The following OR51B5 variants were observed in gnomAD, a reference collection of about 807,000 sequenced individuals.
OR51B5 encodes the protein olfactory receptor family 51 subfamily B member 5.
For missense variants in OR51B5, 456 were observed against 374.6 expected, an observed-to-expected ratio of 1.22 and a Z score of -1.79; for synonymous variants, 186 against 144.8, an observed-to-expected ratio of 1.28 and a Z score of -2.04.
rs576856274 is a variant in OR51B5 at position 5,395,668 on chromosome 11, A to G, written n.85-48758T>C. On this transcript the variant is annotated intron_variant and non_coding_transcript_variant, in intron 1 of 4. Transcript: ENST00000415970. The stretch of plus-strand genomic sequence containing the variant: ...TTTCCTCCACAGCCCCATTAAACCT[A>G]ATCATTTCTCTCGAAAAGAGGCAGG... Among the ~76,000 whole-genome samples, 69 of 152,254 alleles carry G rather than the reference A, an allele frequency of 4.5e-4. 3 individuals carry two copies. In the South Asian group the frequency reaches 0.014, roughly 30 times the overall value.
chr11:5,444,025 T>C (rs1390978971), intron 1 of OR51B5, among the ~76,000 whole-genome samples: 4 of 152,106 alleles, frequency 2.6e-5, no homozygotes, highest in Non-Finnish European at 4.4e-5. Flanking sequence ...TGCAACAACT[T>C]AGGAAGACTC....
intron 1 of OR51B5, among the ~76,000 whole-genome samples, chr11:5,382,832 G>C (rs868278130): frequency 6.6e-6 from 1 of 152,086 alleles, no homozygotes; most frequent in Non-Finnish European, 1.5e-5. Flanking sequence ...TGATCACAAT[G>C]GCATGTCATA....
At chr11:5,457,214 A>T (rs1590007612) in intron 1 of OR51B5, among the ~76,000 whole-genome samples, 1 of 152,050 alleles carries the variant, frequency 6.6e-6, no homozygotes, top group East Asian at 1.9e-4. Context: ...ACTCCCCCTT[A>T]TATGTGAAAA....
chr11:5,389,893 T>C (rs371688011), intron 1 of OR51B5: 43 of 1,612,510 alleles, frequency 2.7e-5, no homozygotes, highest in Admixed American at 6.7e-5. Context: ...TCCGGGGACC[T>C]GTGGCCACTA....
At chr11:5,349,263 C>T (rs529714397) in intron 1 of OR51B5, among the ~76,000 whole-genome samples, 6 of 152,194 alleles carry the variant, frequency 3.9e-5, no homozygotes, top group African/African-American at 1.4e-4. Flanking sequence ...AGACAAACAG[C>T]TATTTTAAGG....
intron 1 of OR51B5, among the ~76,000 whole-genome samples, chr11:5,354,143 TG>T (rs1395460873): frequency 2.0e-5 from 3 of 150,992 alleles, no homozygotes; most frequent in Admixed American, 6.6e-5. Context: ...CATGTCTTTC[TG>T]TGTGTCTGCT....
chr11:5,483,287 C>T (rs1346842602), intron 1 of OR51B5, among the ~76,000 whole-genome samples: 2 of 134,826 alleles, frequency 1.5e-5, no homozygotes, highest in Non-Finnish European at 3.1e-5. Context: ...TATTCTCACT[C>T]ATAGGTGGGA....
At chr11:5,400,464 C>A (rs1432589788) in intron 1 of OR51B5, among the ~76,000 whole-genome samples, 1 of 150,638 alleles carries the variant, frequency 6.6e-6, no homozygotes, top group Non-Finnish European at 1.5e-5. Context: ...TTTTTTTTTC[C>A]TGCACTACAT....
At chr11:5,481,558 G>A (rs12291091) in intron 1 of OR51B5, among the ~76,000 whole-genome samples, 17,437 of 150,080 alleles carry the variant, frequency 0.12, 1,298 homozygotes, top group Admixed American at 0.17. Context: ...AGGAAAAGAG[G>A]AAGTCAAATT....
intron 1 of OR51B5, among the ~76,000 whole-genome samples, chr11:5,409,134 T>C (rs1850105705): frequency 6.6e-6 from 1 of 152,164 alleles, no homozygotes; most frequent in Non-Finnish European, 1.5e-5. Context: ...TTAAAATCAC[T>C]GTGTGTGTCT....
intron 1 of OR51B5, chr11:5,453,835 T>C: frequency 6.2e-7 from 1 of 1,614,258 alleles, no homozygotes; most frequent in South Asian, 1.1e-5. Flanking sequence ...GGTATTCTGC[T>C]GGCCATGAGT....
chr11:5,373,967 G>A (rs1430233087), intron 1 of OR51B5, among the ~76,000 whole-genome samples: 1 of 152,204 alleles, frequency 6.6e-6, no homozygotes, highest in Non-Finnish European at 1.5e-5. Context: ...TGACAGCTTT[G>A]AGGAGAGCAG....
rs779736351 is a variant in OR51B5, at chr11:5,422,654, T to C, written n.85-75744A>G. Reference sequence around the variant, plus strand: ...TGGTAGAACTGGGTTAGCCATCATTTGCTGCTGTGTTCTGGCGGTTCTTCC... The same window carrying C: ...TGGTAGAACTGGGTTAGCCATCATTCGCTGCTGTGTTCTGGCGGTTCTTCC... On this transcript the variant is annotated intron_variant and non_coding_transcript_variant, in intron 1 of 4. Coordinates refer to the OR51B5 transcript ENST00000415970. 7.4e-6 allele frequency: 12 copies of C among 1,613,992 alleles called. No homozygotes were observed. The African/African-American group carries it at 1.6e-4, about 22-fold the overall frequency.
intron 1 of OR51B5, chr11:5,354,879 T>C (rs1008277246): frequency 1.1e-5 from 2 of 180,908 alleles, no homozygotes; most frequent in Non-Finnish European, 1.2e-5. Context: ...TGAGGATGTT[T>C]AGAAGCAATC....
chr11:5,353,787 C>T (rs1275193882), intron 1 of OR51B5, among the ~76,000 whole-genome samples: 3 of 152,256 alleles, frequency 2.0e-5, no homozygotes, highest in Non-Finnish European at 4.4e-5. Flanking sequence ...ACTCAGTGAT[C>T]TATGGCTGCC....
chr11:5,351,602 C>G (rs767205096), intron 1 of OR51B5: 3 of 1,613,996 alleles, frequency 1.9e-6, no homozygotes, highest in African/African-American at 2.7e-5. Context: ...TTATTGGCAG[C>G]CTACATCTCC....
chr11:5,436,155 G>C (rs1181185718), intron 1 of OR51B5, among the ~76,000 whole-genome samples: 1 of 152,150 alleles, frequency 6.6e-6, no homozygotes, highest in Non-Finnish European at 1.5e-5. Flanking sequence ...GACACTGAAG[G>C]AATGAGTGAT....
chr11:5,446,444 A>T (rs7118881), intron 1 of OR51B5, among the ~76,000 whole-genome samples: 1 of 152,142 alleles, frequency 6.6e-6, no homozygotes, highest in Admixed American at 6.6e-5. Context: ...TTTTTAATGA[A>T]AAAAGGATGA....
At chr11:5,488,409 T>C (rs1280161253) in intron 1 of OR51B5, among the ~76,000 whole-genome samples, 1 of 152,094 alleles carries the variant, frequency 6.6e-6, no homozygotes, top group East Asian at 1.9e-4. Context: ...GTGCAGGATA[T>C]GGAGGGAGAT....
Sources: allele counts gnomAD v4.1 joint callset (sites outside exome capture counted in the v4.1 genomes callset), GRCh38; gene constraint gnomAD v4.1.1; transcripts MANE v1.5; gene names NCBI Gene and HGNC (gene_info 2026-07-23, HGNC 2026-07-21).